Variants in KCNIP4 observed in about 807,000 individuals in gnomAD.
KCNIP4 encodes potassium voltage-gated channel interacting protein 4.
Under a neutral mutation model 34.0 loss-of-function variants are expected in KCNIP4, and 12 were observed. That is an observed-to-expected ratio of 0.35 (90% CI 0.23 to 0.57). The LOEUF (loss-of-function observed/expected upper bound fraction) is 0.57. KCNIP4 is among the 20% of genes least tolerant of loss of function. The probability of loss-of-function intolerance (pLI) is 0.83; values close to 1 mark genes in which losing one functional copy is unlikely to be tolerated. For missense variants in KCNIP4, 238 were observed against 311.7 expected, an observed-to-expected ratio of 0.76 and a Z score of 1.78; for synonymous variants, 124 against 102.2, an observed-to-expected ratio of 1.21 and a Z score of -1.29.
chr4:21,035,763 T>G (rs1741393389), intron 1 of KCNIP4, among the ~76,000 whole-genome samples: 1 of 152,214 alleles, frequency 6.6e-6, no homozygotes, highest in Non-Finnish European at 1.5e-5. Flanking sequence ...TTCTAGTGCC[T>G]TTTGCTGCCT....
intron 1 of KCNIP4, among the ~76,000 whole-genome samples, chr4:21,304,364 C>T (rs940954642): frequency 6.6e-6 from 1 of 152,170 alleles, no homozygotes; most frequent in Non-Finnish European, 1.5e-5. Context: ...AGGAACGTCC[C>T]GAGGAAACAT....
intron 1 of KCNIP4, among the ~76,000 whole-genome samples, chr4:21,365,212 C>A (rs7671666): frequency 6.6e-6 from 1 of 151,820 alleles, no homozygotes; most frequent in African/African-American, 2.4e-5. Context: ...AAGGCCAGTG[C>A]GGTGGTTCAT....
rs557125505 is a variant in KCNIP4, at chr4:21,799,356, A to G, written c.61+149215T>C. ...TTGAATCTAGGTATGGGTAACTCCA[A>G]ACACCACACTCTTAAACTTTTCTTT... On this transcript the variant is annotated intron_variant, in intron 1 of 8. Transcript: ENST00000382152. Among the ~76,000 whole-genome samples the G allele has an allele frequency of 3.9e-5, 6 of 152,292 alleles. No homozygotes were observed. In the South Asian group the frequency reaches 1.2e-3, roughly 32 times the overall value.
chr4:21,525,223 T>G (rs1735872895), intron 1 of KCNIP4, among the ~76,000 whole-genome samples: 1 of 152,160 alleles, frequency 6.6e-6, no homozygotes, highest in Admixed American at 6.5e-5. Flanking sequence ...CTTAGATCAT[T>G]ATATTTCATT....
At chr4:21,027,817 T>A (rs558740865) in intron 1 of KCNIP4, among the ~76,000 whole-genome samples, 9 of 152,220 alleles carry the variant, frequency 5.9e-5, no homozygotes, top group African/African-American at 2.2e-4. Flanking sequence ...TTTATGTATA[T>A]TCACTCTTCT....
chr4:21,862,515 G>C (rs1489014254), intron 1 of KCNIP4, among the ~76,000 whole-genome samples: 1 of 152,156 alleles, frequency 6.6e-6, no homozygotes, highest in Non-Finnish European at 1.5e-5. Context: ...AATGCTGATG[G>C]GTAAAAGCAC....
At chr4:21,527,366 C>A (rs1443244454) in intron 1 of KCNIP4, among the ~76,000 whole-genome samples, 2 of 152,072 alleles carry the variant, frequency 1.3e-5, no homozygotes, top group Non-Finnish European at 1.5e-5. Flanking sequence ...ACAATTCCTA[C>A]CACATTGAGA....
At chr4:21,824,469 C>T (rs1722553894) in intron 1 of KCNIP4, among the ~76,000 whole-genome samples, 1 of 152,128 alleles carries the variant, frequency 6.6e-6, no homozygotes, top group African/African-American at 2.4e-5. Context: ...GATGCACCAG[C>T]TACTACCAAC....
intron 1 of KCNIP4, among the ~76,000 whole-genome samples, chr4:20,929,270 A>G (rs992110014): frequency 1.1e-4 from 17 of 152,202 alleles, no homozygotes; most frequent in African/African-American, 3.6e-4. Context: ...ACAGGATGAA[A>G]GATAAAAAAC....
At chr4:21,366,174 C>G (rs1370893277) in intron 1 of KCNIP4, among the ~76,000 whole-genome samples, 1 of 152,112 alleles carries the variant, frequency 6.6e-6, no homozygotes, top group African/African-American at 2.4e-5. Context: ...TGAACGCTAC[C>G]GGTGAATATG....
intron 3 of KCNIP4, among the ~76,000 whole-genome samples, chr4:20,786,792 T>A (rs1224566029): frequency 1.3e-5 from 2 of 152,184 alleles, no homozygotes; most frequent in African/African-American, 4.8e-5. Context: ...AGGTACCATT[T>A]GTTAAAGAGA....
intron 1 of KCNIP4, among the ~76,000 whole-genome samples, chr4:21,659,144 T>C (rs977071557): frequency 6.6e-6 from 1 of 152,204 alleles, no homozygotes; most frequent in Non-Finnish European, 1.5e-5. Context: ...CTGTGTACAT[T>C]ATGTCATTTT....
intron 1 of KCNIP4, among the ~76,000 whole-genome samples, chr4:21,167,790 C>A (rs1753739602): frequency 6.6e-6 from 1 of 152,184 alleles, no homozygotes; most frequent in South Asian, 2.1e-4. Flanking sequence ...TTTCTAAGTA[C>A]TTCTTCACGA....
intron 3 of KCNIP4, among the ~76,000 whole-genome samples, chr4:20,825,950 A>G (rs1263315097): frequency 1.3e-5 from 2 of 152,200 alleles, no homozygotes; most frequent in Non-Finnish European, 2.9e-5. Flanking sequence ...GAAATGTCCA[A>G]TTAGATAAAT....
intron 1 of KCNIP4, among the ~76,000 whole-genome samples, chr4:21,040,119 A>G (rs149000926): frequency 6.6e-6 from 1 of 152,274 alleles, no homozygotes; most frequent in African/African-American, 2.4e-5. Flanking sequence ...TGCTGCCCCC[A>G]TGATCCAATC....
intron 1 of KCNIP4, among the ~76,000 whole-genome samples, chr4:21,310,426 A>AT (rs1369336290): frequency 6.6e-6 from 1 of 151,760 alleles, no homozygotes; most frequent in Non-Finnish European, 1.5e-5. Context: ...TCTTCCCCTC[A>AT]TTTTTCAGAC....
chr4:21,142,429 T>C (rs182949569), intron 1 of KCNIP4, among the ~76,000 whole-genome samples: 218 of 152,270 alleles, frequency 1.4e-3, no homozygotes, highest in African/African-American at 5.2e-3. Context: ...CCCAGAACTT[T>C]TATACTCCTG....
intron 1 of KCNIP4, among the ~76,000 whole-genome samples, chr4:21,653,119 G>T (rs1160334683): frequency 2.6e-5 from 4 of 152,164 alleles, no homozygotes; most frequent in Non-Finnish European, 5.9e-5. Flanking sequence ...CACATACCCA[G>T]AAAAGTGTGT....
chr4:21,100,271 C>A (rs892578676), intron 1 of KCNIP4, among the ~76,000 whole-genome samples: 1 of 152,122 alleles, frequency 6.6e-6, no homozygotes, highest in Non-Finnish European at 1.5e-5. Flanking sequence ...ACAGCCTTGG[C>A]TGGGCACGGT....
Sources: gnomAD v4.1 joint callset for allele counts (sites outside exome capture counted in the v4.1 genomes callset) on GRCh38, gnomAD v4.1.1 for gene constraint, MANE v1.5 for transcripts, NCBI Gene and HGNC (gene_info 2026-07-23, HGNC 2026-07-21) for gene names.